ZNF512B: variants seen among roughly 807,000 people sequenced by gnomAD.
The protein encoded by ZNF512B is zinc finger protein 512B.
In ZNF512B, 22 loss-of-function variants were observed where a neutral mutation model predicts 87.8. The ratio of observed to expected loss-of-function variants is 0.25; its 90% CI spans 0.18 to 0.36. The LOEUF is 0.36. Ranked by LOEUF, ZNF512B falls within the 10% of genes least tolerant of loss-of-function variation. ZNF512B has a pLI of 1.00. For synonymous variants in ZNF512B, 524 were observed against 490.9 expected (o/e 1.07, Z -0.89); for missense variants, 1,060 against 1,231.6 (o/e 0.86, Z 2.09).
In ZNF512B at chr20:63,966,313, C is replaced by T. The variant is rs45486695; in HGVS notation, c.862G>A (p.Val288Met). 298,403 of 1,603,632 alleles carry T rather than the reference C, an allele frequency of 0.19. 30,266 individuals carry two copies. Among genetic ancestry groups the T allele is most frequent in the Non-Finnish European group, 0.21 (244,889 of 1,173,474 alleles). ...ACTGTCACTGGCTTGGTGACCGGCA[C>T]GGGTTTCGTAACTGTCACAAGCTTT... ...VTKLVTVTKP[V>M]PVTKPVTVSR... The change falls in exon 5 of 17, where the codon GTG becomes ATG. Residue 288 changes from valine (V) to methionine (M), a missense_variant. Physicochemically the swap from Val to Met is conservative, Grantham distance 21. Coordinates refer to ENST00000369888, the MANE Select transcript of ZNF512B (RefSeq NM_020713.3).
Position 63,963,190 on chromosome 20 carries a change from C to T in ZNF512B, c.1873G>A (p.Val625Met). 6.5e-7 allele frequency: 1 copy of T among 1,547,302 alleles called. No homozygotes were observed. The highest frequency in any genetic ancestry group is 8.7e-7 in the Non-Finnish European group (1 of 1,150,932). ...GTGCAGGGGAAGGAGGGGCTGTCCA[C>T]CTCGCAGGGCGGCTTCCCGCAGCGC... is the stretch of plus-strand genomic sequence containing the variant. ...QRRCGKPPCE[V>M]DSPSFPCTHC... Residue 625 changes from valine (V) to methionine (M), a missense_variant, in exon 12 of 17, where the codon GTG becomes ATG. Transcript: ENST00000369888.
chr20:63,961,959 G>T lies in ZNF512B; in HGVS notation c.2311C>A (p.Leu771Ile). Residue 771 changes from leucine (L) to isoleucine (I), a missense_variant, in exon 15 of 17, where the codon CTC becomes ATC. Leu to Ile is a conservative substitution (Grantham distance 5, BLOSUM62 2). Transcript: ENST00000369888. The surrounding 1 kb of genome is among the most constrained non-coding windows in gnomAD (Gnocchi z 6.4). ...GAACTGACCTTACTGCAGCTGGCGA[G>T]ATGAGCCTTGAGTCCGGACACGCTG... ...YSSVSGLKAHLASCSKGAHLA... is the reference protein window; with the variant it reads ...YSSVSGLKAHIASCSKGAHLA... The T allele has an allele frequency of 6.4e-7, 1 of 1,551,116 alleles. No individual in the cohort carries two copies. Among genetic ancestry groups the T allele is most frequent in the Non-Finnish European group, 8.7e-7 (1 of 1,146,932 alleles).
In ZNF512B at chr20:63,968,091, T is replaced by C. The variant is rs148332572; in HGVS notation, c.-2-139A>G. 483 of 1,141,110 alleles carry C rather than the reference T, an allele frequency of 4.2e-4. 1 individual carries two copies. The African/African-American group carries it at 6.5e-3, about 15-fold the overall frequency. 70.7% of individuals were successfully genotyped at this position (1,141,110 alleles called of 1,614,324 possible). A position where few individuals can be genotyped will look rare whatever the true frequency, so the allele number is the denominator to read the frequency against. Reference sequence around the variant, plus strand: ...CTGCCTTCCTGTGGTTTTGTTCACGTGGGAAAAGCAAGTGATGGGGGCTTC... The same window carrying C: ...CTGCCTTCCTGTGGTTTTGTTCACGCGGGAAAAGCAAGTGATGGGGGCTTC... On this transcript the variant is annotated intron_variant, in intron 1 of 16. Transcript: ENST00000369888.
chr20:63,966,642 C>T lies in ZNF512B; in HGVS notation c.533G>A (p.Arg178Lys). ...LPASKPGPISRPVTISRPVGV... is the reference protein window; with the variant it reads ...LPASKPGPISKPVTISRPVGV... The stretch of plus-strand genomic sequence containing the variant: ...AACAGGCCGGCTGATGGTGACCGGC[C>T]TGCTGATGGGCCCAGGCTTGGAGGC... The change falls in exon 5 of 17, where the codon AGG (arginine) becomes AAG (lysine). Residue 178 changes from arginine to lysine, a missense_variant. By Grantham distance (26) the Arg-to-Lys change is conservative. Around this residue, in one of 9 missense-constraint regions of ZNF512B, gnomAD observed 201 missense variants for 226.8 expected, o/e 0.89. Coordinates refer to ENST00000369888, the MANE Select transcript of ZNF512B (RefSeq NM_020713.3). 4 of 1,613,394 alleles carry T rather than the reference C, an allele frequency of 2.5e-6. No homozygotes were observed. Among genetic ancestry groups the T allele is most frequent in the Middle Eastern group, 1.6e-4 (1 of 6,062 alleles).
At position 63,958,564 on chromosome 20, in the gene ZNF512B, C is replaced by T. The variant is rs149841514; in HGVS notation, c.*1324G>A. The T allele has an allele frequency of 4.6e-5, 7 of 152,110 alleles. No individual in the cohort carries two copies. The highest frequency in any genetic ancestry group is 1.4e-4 in the African/African-American group (6 of 41,384). 9.4% of individuals were successfully genotyped at this position (152,110 alleles called of 1,614,324 possible). ...AAATGGCCTCCCTCCAAACCTACCC[C>T]CTCTGAGCCTCATCCTCCCTGCAAT... is the stretch of plus-strand genomic sequence containing the variant. On this transcript the variant is annotated 3_prime_UTR_variant, in exon 17 of 17. Coordinates refer to ENST00000369888, the MANE Select transcript of ZNF512B (RefSeq NM_020713.3).
At position 63,962,038 on chromosome 20, in the gene ZNF512B, G is replaced by A; in HGVS notation, c.2266-34C>T. The A allele has an allele frequency of 1.9e-6, 3 of 1,548,620 alleles. No individual in the cohort carries two copies. In the South Asian group the frequency reaches 3.6e-5, roughly 18 times the overall value. ...AAGGGAGCCGTGGGCGAAGGCCTCTGGTGGGCACCCCACACCAAGATATAC... is the reference window on the plus strand; with the variant it reads ...AAGGGAGCCGTGGGCGAAGGCCTCTAGTGGGCACCCCACACCAAGATATAC... On this transcript the variant is annotated intron_variant, in intron 14 of 16. Coordinates refer to ENST00000369888, the MANE Select transcript of ZNF512B (RefSeq NM_020713.3).
At position 63,963,075 on chromosome 20, in the gene ZNF512B, C is replaced by T. The variant is rs1384327874; in HGVS notation, c.1968+20G>A. The T allele has an allele frequency of 1.3e-6, 2 of 1,535,660 alleles. No homozygotes were observed. Among genetic ancestry groups the T allele is most frequent in the Admixed American group, 1.9e-5 (1 of 52,716 alleles). The stretch of plus-strand genomic sequence containing the variant: ...GCACACAGGAACAAGCACTGTGCCA[C>T]AGAACAGAGAGCCACTCACGGGGGC... On this transcript the variant is annotated intron_variant, in intron 12 of 16. Coordinates refer to ENST00000369888, the MANE Select transcript of ZNF512B (RefSeq NM_020713.3).
In ZNF512B at chr20:63,963,279, C is replaced by G; in HGVS notation, c.1798-14G>C. The G allele has an allele frequency of 6.5e-7, 1 of 1,541,382 alleles. No individual in the cohort carries two copies. Among genetic ancestry groups the G allele is most frequent in the Non-Finnish European group, 8.7e-7 (1 of 1,146,938 alleles). ...AGCCCCGCAACCCTGGGGGTCAGGCCAGAGGGTGGGTGAGTGGCCAGCAGG... is the reference window on the plus strand; with the variant it reads ...AGCCCCGCAACCCTGGGGGTCAGGCGAGAGGGTGGGTGAGTGGCCAGCAGG... On this transcript the variant is annotated splice_polypyrimidine_tract_variant and intron_variant, in intron 11 of 16. Transcript: ENST00000369888.
chr20:63,967,381 A>G lies in ZNF512B; in HGVS notation c.264T>C (p.Pro88=). The change falls in exon 3 of 17, where the codon CCT becomes CCC. Residue 88 remains proline (P), a splice_region_variant and synonymous_variant. Transcript: ENST00000369888. ...CCACCATGGCCCTGAGGGAGCTCAC[A>G]GGAATGTCTCGGAGGGCCTGGTTCT... ...KAENQALRDI[P]LSLMNDWKDE... 6.2e-7 allele frequency: 1 copy of G among 1,602,118 alleles called. No individual in the cohort carries two copies. Among genetic ancestry groups the G allele is most frequent in the Non-Finnish European group, 8.5e-7 (1 of 1,172,854 alleles).
rs375047355 is a variant in ZNF512B, at chr20:63,963,428, C to T, written c.1711G>A (p.Glu571Lys). 110 of 1,548,110 alleles carry T rather than the reference C, an allele frequency of 7.1e-5. No individual in the cohort carries two copies. Among genetic ancestry groups the T allele is most frequent in the Non-Finnish European group, 8.9e-5 (103 of 1,151,564 alleles). Residue 571 changes from glutamate (E) to lysine (K), a missense_variant, in exon 11 of 17, where the codon GAG (glutamate) becomes AAG (lysine). Glu to Lys is a moderately conservative substitution (Grantham distance 56, BLOSUM62 1). This residue lies in a region of ZNF512B where 165 missense variants were observed against 173.0 expected (regional missense o/e 0.95). Coordinates refer to ENST00000369888, the MANE Select transcript of ZNF512B (RefSeq NM_020713.3). ...AEHSAKPSDA[E>K]ASEGGEQEER... is the part of the protein sequence containing the mutation. Reference sequence around the variant, plus strand: ...TCCTGCTCGCCCCCTTCGGAGGCCTCGGCGTCAGAGGGCTGGGGACAGGGT... The same window carrying T: ...TCCTGCTCGCCCCCTTCGGAGGCCTTGGCGTCAGAGGGCTGGGGACAGGGT...
rs1355863082 is a variant in ZNF512B, at chr20:63,959,069, G to A, written c.*819C>T. On this transcript the variant is annotated 3_prime_UTR_variant, in exon 17 of 17. Coordinates refer to ENST00000369888, the MANE Select transcript of ZNF512B (RefSeq NM_020713.3). ...CTGCAGTGCCAGAAGGCTGAACACTGGAGGAGAGCACACTCCAGGGGCCCC... is the reference window on the plus strand; with the variant it reads ...CTGCAGTGCCAGAAGGCTGAACACTAGAGGAGAGCACACTCCAGGGGCCCC... 1 of 152,608 alleles carries A rather than the reference G, an allele frequency of 6.6e-6. No individual in the cohort carries two copies. The highest frequency in any genetic ancestry group is 2.4e-5 in the African/African-American group (1 of 41,450). 9.5% of individuals were successfully genotyped at this position (152,608 alleles called of 1,614,324 possible).
At chr20:63,960,953 G>C (rs1426098141) in intron 16 of ZNF512B, among the ~76,000 whole-genome samples, 1 of 139,796 alleles carries the variant, frequency 7.2e-6, no homozygotes, top group Non-Finnish European at 1.6e-5. Context: ...CACAGCCTTC[G>C]GGACCAGGCA....
rs1343999379 is a variant in ZNF512B, at chr20:63,967,875, G to A, written c.76C>T (p.Arg26Ter). The A allele has an allele frequency of 3.7e-6, 6 of 1,613,376 alleles. No individual in the cohort carries two copies. Among genetic ancestry groups the A allele is most frequent in the Non-Finnish European group, 5.1e-6 (6 of 1,179,850 alleles). The change falls in exon 2 of 17, where the codon CGA (arginine) becomes TGA (stop). Residue 26 changes from arginine (R) to a stop codon, truncating the protein, a stop_gained. Coordinates refer to ENST00000369888, the MANE Select transcript of ZNF512B (RefSeq NM_020713.3). LOFTEE classifies it high-confidence loss of function. ...AGCATTGGAAGTCGGACCTCCTTTC[G>A]GCTGCCATCCTTCCCGGGACCACTC... The part of the protein sequence containing the change: ...SKSGPGKDGS[R>*]KEVRLPMLHD...
chr20:63,961,092 G>A lies in ZNF512B; in HGVS notation c.2427+217C>T, dbSNP rs114514990. ...TGGGGGCTGGAAAGGCGGACACCCC[G>A]AGGGCAGCTCCAGCTCAGGGTGCAA... On this transcript the variant is annotated intron_variant, in intron 16 of 16. Coordinates refer to ENST00000369888, the MANE Select transcript of ZNF512B (RefSeq NM_020713.3). This position sits in a 1 kb window ranked among gnomAD's most constrained non-coding sequence, Gnocchi z 6.4. Among the ~76,000 whole-genome samples, 666 of 152,298 alleles carry A rather than the reference G, an allele frequency of 4.4e-3. 3 individuals carry two copies. Among genetic ancestry groups the A allele is most frequent in the African/African-American group, 0.015 (629 of 41,554 alleles).
intron 16 of ZNF512B, among the ~76,000 whole-genome samples, chr20:63,960,974 G>GCAT (rs112428137): frequency 1.4e-5 from 2 of 145,138 alleles, no homozygotes; most frequent in African/African-American, 5.1e-5. Context: ...AGCACCTGCA[G>GCAT]GGGGCTGGAC....
In ZNF512B at chr20:63,964,180, G is replaced by C. The variant is rs924395692; in HGVS notation, c.1371C>G (p.Arg457=). 6.3e-7 allele frequency: 1 copy of C among 1,599,080 alleles called. No homozygotes were observed. The highest frequency in any genetic ancestry group is 2.2e-5 in the East Asian group (1 of 44,756). ...GGCCTGGCCCCTCCTGCTTCTTGGA[G>C]CGGTGAACTCGGGCCTTGTCCTCAG... ...VKAEDKARVH[R]SKKQEGPGPE... is the part of the protein sequence containing the mutation. Residue 457 remains arginine, a synonymous_variant, in exon 8 of 17, where the codon CGC becomes CGG. Coordinates refer to ENST00000369888, the MANE Select transcript of ZNF512B (RefSeq NM_020713.3).
At chr20:63,968,877 G>A (rs1264250629) in intron 1 of ZNF512B, among the ~76,000 whole-genome samples, 3 of 152,258 alleles carry the variant, frequency 2.0e-5, no homozygotes, top group Non-Finnish European at 2.9e-5. Context: ...CTGAGAGCTG[G>A]GGAGCAGAGG....
intron 13 of ZNF512B, 104 bp from the exon 14 acceptor site, chr20:63,962,478 G>T: frequency 6.4e-7 from 1 of 1,551,924 alleles, no homozygotes; most frequent in Non-Finnish European, 8.7e-7. Context: ...CAGATGGCGG[G>T]GGCAGCGGGT....
chr20:63,966,689 G>T lies in ZNF512B; in HGVS notation c.486C>A (p.Asn162Lys), dbSNP rs369481423. 5.0e-5 allele frequency: 81 copies of T among 1,612,320 alleles called. No individual in the cohort carries two copies. The highest frequency in any genetic ancestry group is 6.3e-5 in the Non-Finnish European group (74 of 1,179,666). Reference sequence around the variant, plus strand: ...AGGCAGGCAGGGGTCGGTCCATGTGGTTCCAGATCCGGTGTTTCTCCAGCT... The same window carrying T: ...AGGCAGGCAGGGGTCGGTCCATGTGTTTCCAGATCCGGTGTTTCTCCAGCT... ...KTQLEKHRIW[N>K]HMDRPLPASK... The change falls in exon 5 of 17, where the codon AAC (asparagine) becomes AAA (lysine). Residue 162 changes from asparagine (N) to lysine (K), a missense_variant. Asn to Lys is a moderately conservative substitution (Grantham distance 94, BLOSUM62 0). Coordinates refer to ENST00000369888, the MANE Select transcript of ZNF512B (RefSeq NM_020713.3).
Sources: gnomAD v4.1 joint callset for allele counts (sites outside exome capture counted in the v4.1 genomes callset) on GRCh38, gnomAD v4.1.1 for gene constraint, gnomAD v4.1.1 regional missense constraint, Gnocchi (gnomAD v3.1) non-coding constraint, MANE v1.5 for transcripts, NCBI Gene and HGNC (gene_info 2026-07-23, HGNC 2026-07-21) for gene names.